Variants in OR2A42 observed in about 807,000 individuals in gnomAD.
The protein encoded by OR2A42 is olfactory receptor family 2 subfamily A member 42.
For synonymous variants in OR2A42, 5 were observed against 46.4 expected (o/e 0.11, Z 3.63); for missense variants, 3 against 104.1 (o/e 0.03, Z 4.23).
At position 144,230,149 on chromosome 7, in the gene OR2A42, G is replaced by A. The variant is rs1298556158; in HGVS notation, c.*1762C>T. ...AAAAAAAGCTGTTTTTTGTTTGTTT[G>A]TTTGTTTGTTTGTTTGTTTTTCCCC... On this transcript the variant is annotated 3_prime_UTR_variant, in exon 3 of 3. Coordinates refer to ENST00000641810, the MANE Select transcript of OR2A42 (RefSeq NM_001001802.3). 1 of 133,860 alleles carries A rather than the reference G, an allele frequency of 7.5e-6. No homozygotes were observed. The highest frequency in any genetic ancestry group is 1.6e-5 in the Non-Finnish European group (1 of 62,178). The allele number at this position is 133,860 out of a possible 1,614,324, so 8.3% of individuals were successfully genotyped here.
rs1264606776 is a variant in OR2A42, at chr7:144,229,751, G to C, written c.*2160C>G. 6.6e-6 allele frequency: 1 copy of C among 150,434 alleles called. No homozygotes were observed. The allele number at this position is 150,434 out of a possible 1,614,324, so 9.3% of individuals were successfully genotyped here. ...GAATTACAAATTGTATATCCAGTTT[G>C]GGTAATTTTAAAAAATTTAATAAAT... On this transcript the variant is annotated 3_prime_UTR_variant, in exon 3 of 3. Transcript: ENST00000641810.
chr7:144,229,842 G>A lies in OR2A42; in HGVS notation c.*2069C>T, dbSNP rs1387492116. 6.6e-6 allele frequency: 1 copy of A among 151,488 alleles called. No individual in the cohort carries two copies. The highest frequency in any genetic ancestry group is 1.5e-5 in the Non-Finnish European group (1 of 67,660). The allele number at this position is 151,488 out of a possible 1,614,324, so 9.4% of individuals were successfully genotyped here. Reference sequence around the variant, plus strand: ...GTCACCCAGGCTGGAATGCAGTGGTGCGATCATGGCTCACTGCAGCCTCAA... The same window carrying A: ...GTCACCCAGGCTGGAATGCAGTGGTACGATCATGGCTCACTGCAGCCTCAA... On this transcript the variant is annotated 3_prime_UTR_variant, in exon 3 of 3. Coordinates refer to ENST00000641810, the MANE Select transcript of OR2A42 (RefSeq NM_001001802.3).
chr7:144,237,600 G>GCATT, intron 2 of OR2A42, among the ~76,000 whole-genome samples: 1 of 150,782 alleles, frequency 6.6e-6, no homozygotes, highest in East Asian at 1.9e-4. Context: ...TGATATTTAG[G>GCATT]CATTCATTCA....
chr7:144,230,584 G>C lies in OR2A42; in HGVS notation c.*1327C>G, dbSNP rs2052362880. On this transcript the variant is annotated 3_prime_UTR_variant, in exon 3 of 3. Coordinates refer to ENST00000641810, the MANE Select transcript of OR2A42 (RefSeq NM_001001802.3). ...GCATGTGAGTGTTGTACGTGAACTA[G>C]AGATGTCTTTGTTCTGGATCTTACC... 6.6e-6 allele frequency: 1 copy of C among 151,126 alleles called. No individual in the cohort carries two copies. Among genetic ancestry groups the C allele is most frequent in the Non-Finnish European group, 1.5e-5 (1 of 67,764 alleles). 9.4% of individuals were successfully genotyped at this position (151,126 alleles called of 1,614,324 possible).
chr7:144,230,543 GCA>G lies in OR2A42; in HGVS notation c.*1366_*1367del, dbSNP rs902496985. 6.8e-6 allele frequency: 1 copy of G among 147,396 alleles called. No individual in the cohort carries two copies. Among genetic ancestry groups the G allele is most frequent in the African/African-American group, 2.5e-5 (1 of 39,388 alleles). 9.1% of individuals were successfully genotyped at this position (147,396 alleles called of 1,614,324 possible). A position where few individuals can be genotyped will look rare whatever the true frequency, so the allele number is the denominator to read the frequency against. ...TATATGTGTGTGTGTGTGTGTGCGCGCACGCATGTACGTGAGCATGTGAGTGT... is the reference window on the plus strand; with the variant it reads ...TATATGTGTGTGTGTGTGTGTGCGCGCGCATGTACGTGAGCATGTGAGTGT... On this transcript the variant is annotated 3_prime_UTR_variant, in exon 3 of 3. Transcript: ENST00000641810.
Position 144,229,804 on chromosome 7 carries a change from A to G in OR2A42, c.*2107T>C, listed in dbSNP as rs2052348509. 6.6e-6 allele frequency: 1 copy of G among 150,768 alleles called. No homozygotes were observed. The highest frequency in any genetic ancestry group is 2.1e-4 in the South Asian group (1 of 4,780). The allele number at this position is 150,768 out of a possible 1,614,324, so 9.3% of individuals were successfully genotyped here. A position where few individuals can be genotyped will look rare whatever the true frequency, so the allele number is the denominator to read the frequency against. ...TTTCATTGTTATTATTGTTGGAGAC[A>G]AGGTCTCACTCTGTCACCCAGGCTG... On this transcript the variant is annotated 3_prime_UTR_variant, in exon 3 of 3. Coordinates refer to ENST00000641810, the MANE Select transcript of OR2A42 (RefSeq NM_001001802.3).
chr7:144,230,430 T>C lies in OR2A42; in HGVS notation c.*1481A>G, dbSNP rs1384406759. On this transcript the variant is annotated 3_prime_UTR_variant, in exon 3 of 3. Transcript: ENST00000641810. ...TTTTCTCGCCTAAAAATAGTAGTAA[T>C]AGTCTCTACCTCATAGGGTTTTTAT... is the stretch of plus-strand genomic sequence containing the variant. 2 of 123,612 alleles carry C rather than the reference T, an allele frequency of 1.6e-5. No homozygotes were observed. The highest frequency in any genetic ancestry group is 3.2e-5 in the African/African-American group (1 of 31,304). The allele number at this position is 123,612 out of a possible 1,614,324, so 7.7% of individuals were successfully genotyped here.
chr7:144,237,851 G>T (rs1481759598), intron 2 of OR2A42, among the ~76,000 whole-genome samples: 1 of 148,974 alleles, frequency 6.7e-6, no homozygotes, highest in Non-Finnish European at 1.5e-5. Context: ...CATGGGCTTA[G>T]TGGTCAGATG....
chr7:144,235,041 T>C (rs1277090382), intron 2 of OR2A42, among the ~76,000 whole-genome samples: 22 of 147,086 alleles, frequency 1.5e-4, no homozygotes, highest in Non-Finnish European at 3.0e-4. Flanking sequence ...TTTTGACATA[T>C]CAGATTCAAG....
chr7:144,232,353 CT>C lies in OR2A42; in HGVS notation c.490del (p.Arg164AspfsTer62), dbSNP rs775601975. ...LALAHVVLIL[R>X]LPFSGPHEIN... Reference sequence around the variant, plus strand: ...TTCATGAGGCCCAGAGAAGGGCAGTCTTAGGATGAGAACCACATGGGCCAGA... The same window carrying C: ...TTCATGAGGCCCAGAGAAGGGCAGTCTAGGATGAGAACCACATGGGCCAGA... On this transcript the variant is annotated frameshift_variant, in exon 3 of 3. Transcript: ENST00000641810. LOFTEE classifies it low-confidence loss of function (END_TRUNC). The C allele has an allele frequency of 2.9e-4, 136 of 474,520 alleles. 15 individuals carry two copies. Among genetic ancestry groups the C allele is most frequent in the Admixed American group, 1.5e-3 (53 of 35,932 alleles). The allele number at this position is 474,520 out of a possible 1,614,324, so 29.4% of individuals were successfully genotyped here.
chr7:144,236,699 T>TC (rs2052434438), intron 2 of OR2A42, among the ~76,000 whole-genome samples: 3 of 88,970 alleles, frequency 3.4e-5, no homozygotes, highest in Non-Finnish European at 6.1e-5. Context: ...TTGTCTTTTT[T>TC]TTTTTCTTTC....
At position 144,229,101 on chromosome 7, in the gene OR2A42, G is replaced by C. The variant is rs1246157748; in HGVS notation, c.*2810C>G. 8 of 149,414 alleles carry C rather than the reference G, an allele frequency of 5.4e-5. No homozygotes were observed. In the Admixed American group the frequency reaches 5.5e-4, roughly 10 times the overall value. The allele number at this position is 149,414 out of a possible 1,614,324, so 9.3% of individuals were successfully genotyped here. A position where few individuals can be genotyped will look rare whatever the true frequency, so the allele number is the denominator to read the frequency against. Reference sequence around the variant, plus strand: ...ACCTACCAGCACCAATGCTCTTCCTGTTTAAAGAGCAATTTTGGTTCCAGA... The same window carrying C: ...ACCTACCAGCACCAATGCTCTTCCTCTTTAAAGAGCAATTTTGGTTCCAGA... On this transcript the variant is annotated 3_prime_UTR_variant, in exon 3 of 3. Transcript: ENST00000641810.
chr7:144,230,170 T>TTTC lies in OR2A42; in HGVS notation c.*1740_*1741insGAA, dbSNP rs1268864682. The TTTC allele has an allele frequency of 7.6e-5, 10 of 132,368 alleles. No individual in the cohort carries two copies. Among genetic ancestry groups the TTTC allele is most frequent in the Non-Finnish European group, 1.3e-4 (8 of 61,556 alleles). 8.2% of individuals were successfully genotyped at this position (132,368 alleles called of 1,614,324 possible). A position where few individuals can be genotyped will look rare whatever the true frequency, so the allele number is the denominator to read the frequency against. The stretch of plus-strand genomic sequence containing the variant: ...GTTTGTTTGTTTGTTTGTTTGTTTT[T>TTTC]CCCCCAGCTTTAAGTACTTTTCTGT... On this transcript the variant is annotated 3_prime_UTR_variant, in exon 3 of 3. Coordinates refer to ENST00000641810, the MANE Select transcript of OR2A42 (RefSeq NM_001001802.3).
chr7:144,237,806 A>G (rs1273850505), intron 2 of OR2A42, among the ~76,000 whole-genome samples: 1 of 149,756 alleles, frequency 6.7e-6, no homozygotes, highest in Non-Finnish European at 1.5e-5. Flanking sequence ...CAGAGTAAAC[A>G]CTGAAAGAAA....
At position 144,238,684 on chromosome 7, in the gene OR2A42, G is replaced by A. The variant is rs2052462512; in HGVS notation, c.-257C>T. ...GTTATTCTCTGATGTGCTCAGCCTG[G>A]TTGACAGCTGAGGGATCACTGGAGG... On this transcript the variant is annotated 5_prime_UTR_variant, in exon 2 of 3. Transcript: ENST00000641810. 6.6e-6 allele frequency: 1 copy of A among 151,392 alleles called. No individual in the cohort carries two copies. The highest frequency in any genetic ancestry group is 2.4e-5 in the African/African-American group (1 of 41,176). The allele number at this position is 151,392 out of a possible 1,614,324, so 9.4% of individuals were successfully genotyped here.
rs1354220646 is a variant in OR2A42 at position 144,229,813 on chromosome 7, C to T, written c.*2098G>A. Reference sequence around the variant, plus strand: ...TATTATTGTTGGAGACAAGGTCTCACTCTGTCACCCAGGCTGGAATGCAGT... The same window carrying T: ...TATTATTGTTGGAGACAAGGTCTCATTCTGTCACCCAGGCTGGAATGCAGT... On this transcript the variant is annotated 3_prime_UTR_variant, in exon 3 of 3. Transcript: ENST00000641810. 3 of 150,944 alleles carry T rather than the reference C, an allele frequency of 2.0e-5. No individual in the cohort carries two copies. The highest frequency in any genetic ancestry group is 2.1e-4 in the South Asian group (1 of 4,778). 9.4% of individuals were successfully genotyped at this position (150,944 alleles called of 1,614,324 possible).
At chr7:144,234,887 C>A (rs1458597695) in intron 2 of OR2A42, among the ~76,000 whole-genome samples, 2 of 132,610 alleles carry the variant, frequency 1.5e-5, no homozygotes. Context: ...TTGGAAAACA[C>A]GCAAAGCATA....
At chr7:144,237,514 G>A (rs1349628170) in intron 2 of OR2A42, among the ~76,000 whole-genome samples, 2 of 149,674 alleles carry the variant, frequency 1.3e-5, no homozygotes, top group Admixed American at 1.3e-4. Flanking sequence ...ATTTAAGCAA[G>A]CCAGAAATTC....
intron 2 of OR2A42, among the ~76,000 whole-genome samples, chr7:144,236,222 G>GACAA (rs1455905291): frequency 6.8e-6 from 1 of 146,970 alleles, no homozygotes; most frequent in East Asian, 1.9e-4. Flanking sequence ...CTGATGAGCT[G>GACAA]ACAAACTCCT....
Sources: allele counts gnomAD v4.1 joint callset (sites outside exome capture counted in the v4.1 genomes callset), GRCh38; gene constraint gnomAD v4.1.1; transcripts MANE v1.5; gene names NCBI Gene and HGNC (gene_info 2026-07-23, HGNC 2026-07-21).